Variants in LARGE1 observed in about 807,000 individuals in gnomAD.
LARGE1 encodes the protein xylosyl- and glucuronyltransferase LARGE1.
In LARGE1, 43 loss-of-function variants were observed where a neutral mutation model predicts 87.6. That is an observed-to-expected ratio of 0.49 (90% CI 0.38 to 0.63). LARGE1 has a LOEUF of 0.63. Ranked by LOEUF, LARGE1 falls within the 30% of genes least tolerant of loss-of-function variation. The pLI is 0.00. For missense variants in LARGE1, 802 were observed against 1,000.2 expected (o/e 0.80, Z 2.67); for synonymous variants, 434 against 394.6 (o/e 1.10, Z -1.18).
intron 8 of LARGE1, 124 bp from the exon 9 acceptor site, chr22:33,382,168 C>T: frequency 1.6e-6 from 2 of 1,224,504 alleles, no homozygotes; most frequent in Non-Finnish European, 2.3e-6. Context: ...TGAACACAGG[C>T]TGGCTCGCAC....
intron 7 of LARGE1, among the ~76,000 whole-genome samples, chr22:33,416,906 CTT>C (rs35018256): frequency 8.9e-5 from 8 of 90,166 alleles, no homozygotes; most frequent in African/African-American, 1.7e-4. Context: ...CACGCCCGGA[CTT>C]TTTTTTTTTT....
In LARGE1 at chr22:33,385,740, C is replaced by T. The variant is rs532334323; in HGVS notation, c.893-1436G>A. ...AAGCCGAGAGAATTTCCCTGCAGGC[C>T]ACTGCAGTCAATTTGGTGGGTGGAA... is the stretch of plus-strand genomic sequence containing the variant. On this transcript the variant is annotated intron_variant, in intron 7 of 14. Coordinates refer to ENST00000397394, the MANE Select transcript of LARGE1 (RefSeq NM_133642.5). 1.4e-4 allele frequency among the ~76,000 whole-genome samples: 20 copies of T among 148,004 alleles called. 4 individuals carry two copies. The South Asian group carries it at 4.8e-3, about 36-fold the overall frequency.
At chr22:33,309,182 T>G (rs572714363) in intron 11 of LARGE1, among the ~76,000 whole-genome samples, 202 of 152,048 alleles carry the variant, frequency 1.3e-3, no homozygotes, top group African/African-American at 4.4e-3. Flanking sequence ...TTTTTTTTTT[T>G]TTGAGACTGA....
intron 12 of LARGE1, among the ~76,000 whole-genome samples, chr22:33,296,154 C>T (rs1463597765): frequency 6.6e-6 from 1 of 152,188 alleles, no homozygotes; most frequent in Non-Finnish European, 1.5e-5. Flanking sequence ...GCACTTGCCA[C>T]GTACTGGCAT....
chr22:33,097,571 C>T, the LARGE1 span, among the ~76,000 whole-genome samples: 3 of 152,198 alleles, frequency 2.0e-5, no homozygotes, highest in African/African-American at 7.2e-5. Context: ...GTACAGAGTG[C>T]TGTATCTTAA....
intron 6 of LARGE1, among the ~76,000 whole-genome samples, chr22:33,541,054 C>CGGGGGGGGGGG (rs57583473): frequency 7.3e-5 from 1 of 13,718 alleles, no homozygotes; most frequent in Admixed American, 1.1e-3. Flanking sequence ...TGGTGGGTTG[C>CGGGGGGGGGGG]GGGGGGGGGG....
chr22:33,795,989 A>G (rs2085968720), intron 1 of LARGE1, among the ~76,000 whole-genome samples: 1 of 126,974 alleles, frequency 7.9e-6, no homozygotes, highest in East Asian at 2.5e-4. Flanking sequence ...CCTAAAACTT[A>G]AAGTATTAAA....
intron 1 of LARGE1, among the ~76,000 whole-genome samples, chr22:33,773,926 G>A (rs770492642): frequency 6.6e-6 from 1 of 152,176 alleles, no homozygotes; most frequent in Non-Finnish European, 1.5e-5. Context: ...TCTAAGGACA[G>A]TACAGACACT....
At chr22:33,299,040 C>G (rs1009861702) in intron 12 of LARGE1, among the ~76,000 whole-genome samples, 1 of 151,348 alleles carries the variant, frequency 6.6e-6, no homozygotes, top group Non-Finnish European at 1.5e-5. Context: ...GAAACCCTGT[C>G]TTTACAAATG....
chr22:33,537,297 G>A (rs1356071790), intron 6 of LARGE1, among the ~76,000 whole-genome samples: 1 of 152,242 alleles, frequency 6.6e-6, no homozygotes, highest in African/African-American at 2.4e-5. Context: ...GCTCTGGGGA[G>A]AATTCGATTC....
At chr22:33,297,192 T>C (rs1340808985) in intron 12 of LARGE1, among the ~76,000 whole-genome samples, 1 of 152,208 alleles carries the variant, frequency 6.6e-6, no homozygotes, top group Non-Finnish European at 1.5e-5. Context: ...AGCCATGATG[T>C]GCCAGGGAAA....
chr22:33,643,588 A>G (rs1289096693), intron 3 of LARGE1, among the ~76,000 whole-genome samples: 1 of 152,188 alleles, frequency 6.6e-6, no homozygotes, highest in South Asian at 2.1e-4. Context: ...AGATAGAGAC[A>G]CAAAAAACCC....
At chr22:33,533,209 C>CA (rs1299846451) in intron 6 of LARGE1, among the ~76,000 whole-genome samples, 1 of 152,104 alleles carries the variant, frequency 6.6e-6, no homozygotes, top group African/African-American at 2.4e-5. Context: ...TGAGCAAAGA[C>CA]AAGTGTTGTT....
At chr22:33,710,411 G>A (rs2082698179) in intron 2 of LARGE1, among the ~76,000 whole-genome samples, 1 of 152,210 alleles carries the variant, frequency 6.6e-6, no homozygotes, top group Non-Finnish European at 1.5e-5. Flanking sequence ...TGATCATGGT[G>A]ATGAACCAGC....
At chr22:33,558,166 C>T (rs1400297099) in intron 6 of LARGE1, among the ~76,000 whole-genome samples, 1 of 152,092 alleles carries the variant, frequency 6.6e-6, no homozygotes, top group African/African-American at 2.4e-5. Flanking sequence ...CCATGTTGAG[C>T]CCTAGAAGGG....
intron 9 of LARGE1, among the ~76,000 whole-genome samples, chr22:33,356,442 G>A (rs375739457): frequency 0.076 from 11,528 of 152,220 alleles, 512 homozygotes; most frequent in South Asian, 0.14. Flanking sequence ...TAGGCAAGGT[G>A]TTTAACCTTT....
chr22:33,732,783 A>G (rs1432719130), intron 2 of LARGE1: 1 of 152,264 alleles, frequency 6.6e-6, no homozygotes, highest in Non-Finnish European at 1.5e-5. Context: ...AGCACTCACC[A>G]CCAGAGTCTA....
chr22:33,645,974 C>T (rs996303504), intron 3 of LARGE1, among the ~76,000 whole-genome samples: 18 of 152,136 alleles, frequency 1.2e-4, no homozygotes, highest in Admixed American at 2.6e-4. Flanking sequence ...GAAATAGGAA[C>T]GCTTTTACAC....
chr22:33,470,659 T>G (rs2068792971), intron 6 of LARGE1, among the ~76,000 whole-genome samples: 1 of 152,216 alleles, frequency 6.6e-6, no homozygotes, highest in South Asian at 2.1e-4. Flanking sequence ...GTCCATAAGC[T>G]GCCCTCACCT....
Sources: gnomAD v4.1 joint callset for allele counts (sites outside exome capture counted in the v4.1 genomes callset) on GRCh38, gnomAD v4.1.1 for gene constraint, MANE v1.5 for transcripts, NCBI Gene and HGNC (gene_info 2026-07-23, HGNC 2026-07-21) for gene names.